Variants in ADRA1A observed in about 807,000 individuals in gnomAD.
The protein encoded by ADRA1A is alpha-1A adrenergic receptor.
Under a neutral mutation model 29.6 loss-of-function variants are expected in ADRA1A, and 31 were observed. The observed-to-expected ratio is 1.05, with a 90% CI of 0.79 to 1.41. The LOEUF (loss-of-function observed/expected upper bound fraction) is 1.41. Among genes scored for constraint, ADRA1A ranks in the 40% most tolerant of loss-of-function variants. ADRA1A has a pLI of 0.00. For missense variants in ADRA1A, 619 were observed against 601.1 expected (o/e 1.03, Z -0.31); for synonymous variants, 311 against 254.3 (o/e 1.22, Z -2.12).
chr8:26,797,912 G>A (rs930521560), intron 2 of ADRA1A, among the ~76,000 whole-genome samples: 2 of 152,102 alleles, frequency 1.3e-5, no homozygotes, highest in Non-Finnish European at 2.9e-5. Flanking sequence ...AGGACACAAG[G>A]TGTCTTCAGG....
chr8:26,849,564 C>T (rs1812462389), intron 2 of ADRA1A, among the ~76,000 whole-genome samples: 1 of 152,196 alleles, frequency 6.6e-6, no homozygotes, highest in African/African-American at 2.4e-5. Context: ...ATTCGAATCA[C>T]AACAAAGACA....
rs1247511251 is a variant in ADRA1A, at chr8:26,769,299, C to T, written c.*850G>A. The T allele has an allele frequency of 2.0e-6, 2 of 985,360 alleles. No individual in the cohort carries two copies. The highest frequency in any genetic ancestry group is 2.4e-6 in the Non-Finnish European group (2 of 829,876). 61.0% of individuals were successfully genotyped at this position (985,360 alleles called of 1,614,324 possible). A position where few individuals can be genotyped will look rare whatever the true frequency, so the allele number is the denominator to read the frequency against. ...GCAAGAAATTAACAGCCACACCAAC[C>T]TCTTGCTCTTTAAAGATATTAGAGA... On this transcript the variant is annotated 3_prime_UTR_variant, in exon 3 of 3. Transcript: ENST00000380573.
At chr8:26,765,834 C>A, downstream of ADRA1A, 1 of 1,366,894 alleles carries the variant, frequency 7.3e-7, no homozygotes, top group Non-Finnish European at 9.4e-7. Flanking sequence ...TTGTCAAGCT[C>A]TGATTAAGTA....
intron 2 of ADRA1A, among the ~76,000 whole-genome samples, chr8:26,846,534 C>A (rs541400188): frequency 6.6e-6 from 1 of 152,178 alleles, no homozygotes; most frequent in African/African-American, 2.4e-5. Context: ...TTTGGGAGGC[C>A]GAGGTGGGTG....
At chr8:26,767,494 A>T (rs1192571071), downstream of ADRA1A, among the ~76,000 whole-genome samples, 5 of 152,220 alleles carry the variant, frequency 3.3e-5, no homozygotes, top group Admixed American at 3.3e-4. Flanking sequence ...GGGAAAGGAA[A>T]AAAATGTTAA....
chr8:26,803,027 C>G (rs1431834973), intron 2 of ADRA1A, among the ~76,000 whole-genome samples: 3 of 152,072 alleles, frequency 2.0e-5, no homozygotes, highest in Non-Finnish European at 4.4e-5. Flanking sequence ...AAAATTAAAA[C>G]AATCTGACTC....
At chr8:26,812,628 T>C (rs1402470288) in intron 2 of ADRA1A, among the ~76,000 whole-genome samples, 1 of 110,634 alleles carries the variant, frequency 9.0e-6, no homozygotes, top group Non-Finnish European at 1.9e-5. Flanking sequence ...TGCCTTTTTA[T>C]TTTTATTTAT....
downstream of ADRA1A, among the ~76,000 whole-genome samples, chr8:26,768,011 A>G (rs544761859): frequency 6.6e-6 from 1 of 152,238 alleles, no homozygotes; most frequent in Non-Finnish European, 1.5e-5. Context: ...TCCGGCCAAC[A>G]TCTCAGTGCC....
chr8:26,861,146 A>G (rs1285395839), intron 2 of ADRA1A, among the ~76,000 whole-genome samples: 1 of 152,048 alleles, frequency 6.6e-6, no homozygotes, highest in Non-Finnish European at 1.5e-5. Context: ...TCTCAGCTGC[A>G]TGTGACACAG....
chr8:26,753,799 A>G (rs1012964177), downstream of ADRA1A, among the ~76,000 whole-genome samples: 2 of 152,244 alleles, frequency 1.3e-5, no homozygotes, highest in Non-Finnish European at 2.9e-5. Flanking sequence ...CCATGATTGA[A>G]AAACTAGGGT....
chr8:26,835,460 C>T (rs1426000781), intron 2 of ADRA1A, among the ~76,000 whole-genome samples: 1 of 152,152 alleles, frequency 6.6e-6, no homozygotes, highest in Non-Finnish European at 1.5e-5. Flanking sequence ...CCTCAGGAAA[C>T]TTACAGTTAT....
intron 2 of ADRA1A, among the ~76,000 whole-genome samples, chr8:26,811,289 C>T (rs1416416531): frequency 6.6e-6 from 1 of 151,936 alleles, no homozygotes; most frequent in Non-Finnish European, 1.5e-5. Flanking sequence ...GCCTTCCAGG[C>T]TCACGCCATT....
At chr8:26,836,358 A>G (rs935495527) in intron 2 of ADRA1A, 1 of 154,238 alleles carries the variant, frequency 6.5e-6, no homozygotes, top group Non-Finnish European at 1.5e-5. Flanking sequence ...TAATGGAGCT[A>G]CTGATGACTG....
rs540928901 is a variant in ADRA1A, at chr8:26,831,238, C to T, written c.883+32849G>A. ...CATAGCTAATAAGAGAGATTTAAAA[C>T]AATTGGCAGAAACAGATTGAGTTAT... is the stretch of plus-strand genomic sequence containing the variant. On this transcript the variant is annotated intron_variant, in intron 2 of 2. Transcript: ENST00000380573. This position sits in a 1 kb window ranked among gnomAD's most constrained non-coding sequence, Gnocchi z 5.2. Among the ~76,000 whole-genome samples, 3 of 152,290 alleles carry T rather than the reference C, an allele frequency of 2.0e-5. No homozygotes were observed. The highest frequency in any genetic ancestry group is 7.2e-5 in the African/African-American group (3 of 41,560).
At chr8:26,771,328 A>G (rs1806126916) in intron 2 of ADRA1A, among the ~76,000 whole-genome samples, 1 of 152,226 alleles carries the variant, frequency 6.6e-6, no homozygotes, top group South Asian at 2.1e-4. Flanking sequence ...AGTCCTCCAC[A>G]GCCTCTGGTC....
Position 26,864,604 on chromosome 8 carries a change from G to A in ADRA1A, c.366C>T (p.Ile122=). Residue 122 remains isoleucine, a synonymous_variant, in exon 2 of 3, where the codon ATC becomes ATT. Transcript: ENST00000380573. The surrounding 1 kb of genome is among the most constrained non-coding windows in gnomAD (Gnocchi z 8.1). ...ASIMGLCIIS[I]DRYIGVSYPL... is the part of the protein sequence containing the mutation. ...GGTAGCTCACGCCGATGTAGCGGTC[G>A]ATGGAGATGATGCAGAGGCCCATGA... 1 of 1,614,138 alleles carries A rather than the reference G, an allele frequency of 6.2e-7. No individual in the cohort carries two copies. Among genetic ancestry groups the A allele is most frequent in the Non-Finnish European group, 8.5e-7 (1 of 1,180,042 alleles).
intron 2 of ADRA1A, among the ~76,000 whole-genome samples, chr8:26,794,062 C>T (rs1808015422): frequency 4.0e-5 from 6 of 151,856 alleles, no homozygotes; most frequent in Admixed American, 2.6e-4. Flanking sequence ...TGAAAGTTGT[C>T]GATTATATCT....
intron 2 of ADRA1A, among the ~76,000 whole-genome samples, chr8:26,830,205 C>T (rs73231583): frequency 2.2e-4 from 34 of 152,228 alleles, no homozygotes; most frequent in Middle Eastern, 3.4e-3. Flanking sequence ...CAGAGAAAGC[C>T]GAAGGATGGG....
Position 26,806,300 on chromosome 8 carries a change from A to ATT in ADRA1A, c.884-35636_884-35635dup, listed in dbSNP as rs71216780. On this transcript the variant is annotated intron_variant, in intron 2 of 2. Coordinates refer to ENST00000380573, the MANE Select transcript of ADRA1A (RefSeq NM_000680.4). The surrounding 1 kb of genome is among the most constrained non-coding windows in gnomAD (Gnocchi z 4.6). ...CAGAAGCTGGGTGTTTACACCAAAG[A>ATT]TTTTTTTTTTTTTTTCGAAAGCTGC... Among the ~76,000 whole-genome samples, 2 of 141,880 alleles carry ATT rather than the reference A, an allele frequency of 1.4e-5. No homozygotes were observed. Among genetic ancestry groups the ATT allele is most frequent in the East Asian group, 2.0e-4 (1 of 4,952 alleles). 93.1% of individuals were successfully genotyped at this position (141,880 alleles called of 152,430 possible).
Sources: allele counts gnomAD v4.1 joint callset (sites outside exome capture counted in the v4.1 genomes callset), GRCh38; gene constraint gnomAD v4.1.1; non-coding constraint Gnocchi (gnomAD v3.1); transcripts MANE v1.5; gene names NCBI Gene and HGNC (gene_info 2026-07-23, HGNC 2026-07-21).